SHLD1: variants seen among roughly 807,000 people sequenced by gnomAD.
SHLD1 encodes the protein RINN1-REV7-interacting novel NHEJ regulator 3.
SHLD1 carries 3 observed loss-of-function variants against 5.5 expected under a neutral mutation model. The ratio of observed to expected loss-of-function variants is 0.54; its 90% confidence interval spans 0.25 to 1.40. The LOEUF (loss-of-function observed/expected upper bound fraction) is 1.40, where lower values mean the gene tolerates loss of function less well. SHLD1 is among the 40% of genes most tolerant of loss of function. SHLD1 has a pLI of 0.15. For synonymous variants in SHLD1, 92 were observed against 94.3 expected (o/e 0.98, Z 0.14); for missense variants, 210 against 244.4 (o/e 0.86, Z 0.94).
At chr20:5,813,778 G>A (rs1179753877) in intron 2 of SHLD1, among the ~76,000 whole-genome samples, 1 of 152,068 alleles carries the variant, frequency 6.6e-6, no homozygotes, top group Non-Finnish European at 1.5e-5. Flanking sequence ...TTCTGTGGAA[G>A]AGGAGAAAAT....
chr20:5,839,089 G>A (rs1262095269), intron 2 of SHLD1, among the ~76,000 whole-genome samples: 1 of 152,162 alleles, frequency 6.6e-6, no homozygotes, highest in African/African-American at 2.4e-5. Flanking sequence ...AGATGCATGT[G>A]ATATTAAATT....
chr20:5,828,809 C>A (rs1242748885), intron 2 of SHLD1, among the ~76,000 whole-genome samples: 1 of 152,122 alleles, frequency 6.6e-6, no homozygotes, highest in Non-Finnish European at 1.5e-5. Flanking sequence ...TGAAAATTGG[C>A]ATGATTTTAT....
At chr20:5,769,159 G>A (rs894400783) in intron 1 of SHLD1, among the ~76,000 whole-genome samples, 92 of 152,078 alleles carry the variant, frequency 6.0e-4, no homozygotes, top group African/African-American at 2.0e-3. Flanking sequence ...CTTCTGCCTC[G>A]GCCCCGCAAA....
intron 2 of SHLD1, among the ~76,000 whole-genome samples, chr20:5,846,120 A>G (rs187315148): frequency 4.6e-5 from 7 of 152,334 alleles, no homozygotes; most frequent in Admixed American, 3.9e-4. Context: ...CTTATTGCAA[A>G]TGTCAACACT....
chr20:5,777,719 C>T lies in SHLD1; in HGVS notation c.178+4676C>T, dbSNP rs1052524817. On this transcript the variant is annotated intron_variant, in intron 2 of 2. Transcript: ENST00000303142. The stretch of plus-strand genomic sequence containing the variant: ...CAGTGTTGGGATTACAGGCATGAGC[C>T]ACCACACCCAGCTAAAATCACATTG... Among the ~76,000 whole-genome samples the T allele has an allele frequency of 2.6e-5, 4 of 151,846 alleles. No individual in the cohort carries two copies. In the South Asian group the frequency reaches 8.3e-4, roughly 32 times the overall value.
At chr20:5,833,367 A>G (rs563807465) in intron 2 of SHLD1, among the ~76,000 whole-genome samples, 94 of 152,230 alleles carry the variant, frequency 6.2e-4, no homozygotes, top group Non-Finnish European at 1.1e-3. Flanking sequence ...AAATGTTGAA[A>G]TAATACTCAT....
At chr20:5,790,378 C>G (rs560329959) in intron 2 of SHLD1, among the ~76,000 whole-genome samples, 5 of 152,020 alleles carry the variant, frequency 3.3e-5, no homozygotes, top group Non-Finnish European at 1.5e-5. Flanking sequence ...AGCAAAAGCA[C>G]TGAAAATTAA....
At chr20:5,795,601 CAAA>C (rs56723415) in intron 2 of SHLD1, among the ~76,000 whole-genome samples, 127 of 67,070 alleles carry the variant, frequency 1.9e-3, no homozygotes, top group African/African-American at 3.8e-3. Context: ...TCTGGTCTCG[CAAA>C]AAAAAAAAAA....
chr20:5,769,562 TTAGGCACAG>T (rs1354607505), intron 1 of SHLD1, among the ~76,000 whole-genome samples: 2 of 152,222 alleles, frequency 1.3e-5, no homozygotes, highest in Admixed American at 6.5e-5. Flanking sequence ...AATTTATAAA[TTAGGCACAG>T]TAGGAGATGA....
intron 2 of SHLD1, among the ~76,000 whole-genome samples, chr20:5,825,078 A>G (rs549419110): frequency 1.3e-5 from 2 of 152,248 alleles, no homozygotes; most frequent in South Asian, 4.1e-4. Flanking sequence ...GGTTTCTATG[A>G]CTATGAAGGT....
chr20:5,805,687 G>T (rs1261777600), intron 2 of SHLD1, among the ~76,000 whole-genome samples: 1 of 152,158 alleles, frequency 6.6e-6, no homozygotes, highest in Non-Finnish European at 1.5e-5. Context: ...TGCAACCTCT[G>T]CCTCCTGGGT....
chr20:5,801,646 C>T (rs2087295759), intron 2 of SHLD1, among the ~76,000 whole-genome samples: 1 of 152,164 alleles, frequency 6.6e-6, no homozygotes, highest in African/African-American at 2.4e-5. Flanking sequence ...GAAGAAGCCA[C>T]AGCTCAAGTG....
Position 5,846,442 on chromosome 20 carries a change from C to CA in SHLD1, c.179-16578dup, listed in dbSNP as rs1266835371. Among the ~76,000 whole-genome samples the CA allele has an allele frequency of 2.6e-5, 4 of 152,200 alleles. No individual in the cohort carries two copies. The South Asian group carries it at 6.2e-4, about 24-fold the overall frequency. ...CTTGGCCGCAGTAAACAGTCGTAATCAAAATAGCAATGTTGCCATAGCAAC... is the reference window on the plus strand; with the variant it reads ...CTTGGCCGCAGTAAACAGTCGTAATCAAAAATAGCAATGTTGCCATAGCAAC... On this transcript the variant is annotated intron_variant, in intron 2 of 2. Transcript: ENST00000303142.
intron 2 of SHLD1, among the ~76,000 whole-genome samples, chr20:5,795,714 G>A (rs2087202547): frequency 6.6e-6 from 1 of 152,018 alleles, no homozygotes; most frequent in African/African-American, 2.4e-5. Context: ...GGGTGTGGTG[G>A]CTCATGCCTG....
At chr20:5,861,971 C>T (rs74781174) in intron 2 of SHLD1, among the ~76,000 whole-genome samples, 3,463 of 152,216 alleles carry the variant, frequency 0.023, 156 homozygotes, top group African/African-American at 0.079. Flanking sequence ...TGTAGACAGC[C>T]GCCTTCTCAC....
intron 2 of SHLD1, among the ~76,000 whole-genome samples, chr20:5,861,161 T>C (rs946088447): frequency 7.9e-5 from 12 of 152,232 alleles, no homozygotes; most frequent in African/African-American, 2.9e-4. Flanking sequence ...GGCCTTTTGT[T>C]CATCAACTCT....
At chr20:5,837,841 C>T (rs981356394) in intron 2 of SHLD1, among the ~76,000 whole-genome samples, 1 of 152,124 alleles carries the variant, frequency 6.6e-6, no homozygotes, top group Non-Finnish European at 1.5e-5. Context: ...AATTTGTCTG[C>T]AAGTTTTTTC....
chr20:5,764,172 ATAT>A (rs1182697881), intron 1 of SHLD1, among the ~76,000 whole-genome samples: 2 of 83,192 alleles, frequency 2.4e-5, no homozygotes, highest in African/African-American at 4.7e-5. Context: ...ATATATATAT[ATAT>A]TTTTATATAT....
At chr20:5,800,008 G>T (rs1573164) in intron 2 of SHLD1, among the ~76,000 whole-genome samples, 84,029 of 137,750 alleles carry the variant, frequency 0.61, 23,991 homozygotes, top group East Asian at 0.82. Flanking sequence ...CTAGAGCAGT[G>T]GTTCTCAAAG....
Sources: gnomAD v4.1 joint callset for allele counts (sites outside exome capture counted in the v4.1 genomes callset) on GRCh38, gnomAD v4.1.1 for gene constraint, MANE v1.5 for transcripts, NCBI Gene and HGNC (gene_info 2026-07-23, HGNC 2026-07-21) for gene names.